PSD3: variants seen among roughly 807,000 people sequenced by gnomAD.
PSD3 encodes PH and SEC7 domain-containing protein 3.
Under a neutral mutation model 105.5 loss-of-function variants are expected in PSD3, and 49 were observed. The ratio of observed to expected loss-of-function variants is 0.46; its 90% CI spans 0.37 to 0.59. PSD3 has a LOEUF of 0.59. Among genes scored for constraint, PSD3 ranks in the 20% least tolerant of loss-of-function variants. The pLI is 0.00. For missense variants in PSD3, 1,561 were observed against 1,263.8 expected (o/e 1.24, Z -3.57); for synonymous variants, 557 against 457.8 (o/e 1.22, Z -2.77).
chr8:18,690,391 G>T (rs888066912), intron 9 of PSD3, among the ~76,000 whole-genome samples: 3 of 152,170 alleles, frequency 2.0e-5, no homozygotes, highest in Non-Finnish European at 4.4e-5. Context: ...AAACACACAA[G>T]GTATCATGAG....
intron 1 of PSD3, among the ~76,000 whole-genome samples, chr8:19,033,240 A>T (rs1312277445): frequency 1.3e-5 from 2 of 151,974 alleles, no homozygotes; most frequent in Admixed American, 1.3e-4. Context: ...CACAACCAAC[A>T]TTTTTTTTAT....
Position 18,804,502 on chromosome 8 carries a change from G to A in PSD3, c.1910+20C>T, listed in dbSNP as rs370905109. 1.3e-6 allele frequency: 2 copies of A among 1,560,744 alleles called. No homozygotes were observed. Among genetic ancestry groups the A allele is most frequent in the African/African-American group, 1.4e-5 (1 of 73,494 alleles). ...AATCATTTGAAAGCAATGACGAGCA[G>A]CAAGGAGGCTTAGTCATACCTGAGT... On this transcript the variant is annotated intron_variant, in intron 6 of 15. Transcript: ENST00000327040.
At chr8:18,879,212 G>A (rs1817950370) in intron 2 of PSD3, among the ~76,000 whole-genome samples, 1 of 152,114 alleles carries the variant, frequency 6.6e-6, no homozygotes, top group South Asian at 2.1e-4. Flanking sequence ...TCAGAAAGGG[G>A]CAGCAAATTC....
chr8:18,902,022 A>G (rs1277883314), intron 2 of PSD3, among the ~76,000 whole-genome samples: 1 of 150,592 alleles, frequency 6.6e-6, no homozygotes, highest in Non-Finnish European at 1.5e-5. Flanking sequence ...AAGAAAAAAG[A>G]AAAAAAAAGA....
intron 2 of PSD3, among the ~76,000 whole-genome samples, chr8:18,903,778 T>C (rs1213524682): frequency 6.6e-6 from 1 of 152,074 alleles, no homozygotes. Context: ...GCTTAGGTAC[T>C]AGGATATAGG....
Position 18,572,132 on chromosome 8 carries a change from T to C in PSD3, c.2784+396A>G, listed in dbSNP as rs1009675366. Among the ~76,000 whole-genome samples the C allele has an allele frequency of 9.2e-5, 14 of 152,314 alleles. 1 individual carries two copies. The South Asian group carries it at 1.7e-3, about 18-fold the overall frequency. ...GAACCGTGGATTCCTGAAAATATTT[T>C]TGTATTTCTAGCACTAAACACATCC... is the stretch of plus-strand genomic sequence containing the variant. On this transcript the variant is annotated intron_variant, in intron 14 of 15. Coordinates refer to ENST00000327040, the MANE Select transcript of PSD3 (RefSeq NM_015310.4).
chr8:18,998,858 A>C (rs1293913545), intron 1 of PSD3, among the ~76,000 whole-genome samples: 10 of 151,840 alleles, frequency 6.6e-5, no homozygotes, highest in Admixed American at 1.3e-4. Context: ...GGTGTAACCC[A>C]TTTTCAGTGA....
chr8:18,874,359 G>T (rs1453103013), intron 2 of PSD3, among the ~76,000 whole-genome samples: 2 of 151,634 alleles, frequency 1.3e-5, no homozygotes, highest in Non-Finnish European at 2.9e-5. Context: ...TAGAGACGGG[G>T]TTTCATCATG....
At chr8:18,785,457 G>C (rs909860159) in intron 8 of PSD3, among the ~76,000 whole-genome samples, 3 of 152,094 alleles carry the variant, frequency 2.0e-5, no homozygotes, top group Admixed American at 2.0e-4. Context: ...TAGAATTGAA[G>C]AGACTCAGGG....
chr8:18,598,981 G>T (rs954951901), intron 12 of PSD3, among the ~76,000 whole-genome samples: 1 of 151,682 alleles, frequency 6.6e-6, no homozygotes, highest in Non-Finnish European at 1.5e-5. Flanking sequence ...TGCCCACAGC[G>T]ACCTACATAT....
intron 11 of PSD3, among the ~76,000 whole-genome samples, chr8:18,613,988 C>T (rs1805467368): frequency 1.3e-5 from 2 of 152,208 alleles, no homozygotes; most frequent in Admixed American, 6.5e-5. Context: ...GAAAAACCCT[C>T]ACTTGGTTTG....
chr8:18,694,612 A>G (rs60156508), intron 9 of PSD3, among the ~76,000 whole-genome samples: 1 of 1,138 alleles, frequency 8.8e-4, no homozygotes, highest in Admixed American at 1.8e-3. Flanking sequence ...TGCATCTCCG[A>G]AAAAAAAAAA....
intron 4 of PSD3, among the ~76,000 whole-genome samples, chr8:18,810,070 C>A (rs372270851): frequency 6.6e-6 from 1 of 152,274 alleles, no homozygotes; most frequent in South Asian, 2.1e-4. Context: ...CCTACTTGAA[C>A]CACACAAATA....
rs186435182 is a variant in PSD3 at position 18,533,818 on chromosome 8, C to G, written c.*1925G>C. On this transcript the variant is annotated 3_prime_UTR_variant, in exon 16 of 16. Transcript: ENST00000327040. ...TCAGTGAGAGGCTACAAAAATCAATCTGATACATGGGCCATATTGGTAACT... is the reference window on the plus strand; with the variant it reads ...TCAGTGAGAGGCTACAAAAATCAATGTGATACATGGGCCATATTGGTAACT... 7.9e-5 allele frequency: 12 copies of G among 152,294 alleles called. No homozygotes were observed. Among genetic ancestry groups the G allele is most frequent in the Admixed American group, 7.2e-4 (11 of 15,294 alleles). 9.4% of individuals were successfully genotyped at this position (152,294 alleles called of 1,614,324 possible).
intron 11 of PSD3, among the ~76,000 whole-genome samples, chr8:18,608,423 C>T (rs1263055678): frequency 1.3e-5 from 2 of 152,094 alleles, no homozygotes; most frequent in East Asian, 1.9e-4. Flanking sequence ...CTGCTGTGAT[C>T]GTTATTCTGA....
At chr8:18,796,435 C>G (rs1810183760) in intron 8 of PSD3, among the ~76,000 whole-genome samples, 2 of 152,104 alleles carry the variant, frequency 1.3e-5, no homozygotes, top group Admixed American at 6.6e-5. Context: ...GGAGGAGGCA[C>G]ACGCATGCTA....
chr8:18,821,718 C>CACACACACACACACA (rs1554513426), intron 4 of PSD3, among the ~76,000 whole-genome samples: 5 of 64,478 alleles, frequency 7.8e-5, no homozygotes, highest in East Asian at 4.7e-4. Flanking sequence ...CACACACACA[C>CACACACACACACACA]CCCAATAACA....
chr8:18,756,533 C>T lies in PSD3; in HGVS notation c.2172+8916G>A, dbSNP rs979147726. 1.6e-4 allele frequency among the ~76,000 whole-genome samples: 23 copies of T among 140,570 alleles called. No individual in the cohort carries two copies. The East Asian group carries it at 4.6e-3, about 28-fold the overall frequency. The allele number at this position is 140,570 out of a possible 152,430, so 92.2% of individuals were successfully genotyped here. A position where few individuals can be genotyped will look rare whatever the true frequency, so the allele number is the denominator to read the frequency against. On this transcript the variant is annotated intron_variant, in intron 9 of 15. Transcript: ENST00000327040. ...TAAGAGAGTTAACACTTTAGAAATGCGATTTGGATTCAAAATGACGTTAAG... is the reference window on the plus strand; with the variant it reads ...TAAGAGAGTTAACACTTTAGAAATGTGATTTGGATTCAAAATGACGTTAAG...
chr8:18,541,736 C>T (rs1800160698), intron 15 of PSD3, among the ~76,000 whole-genome samples: 1 of 151,748 alleles, frequency 6.6e-6, no homozygotes, highest in African/African-American at 2.4e-5. Context: ...AAAACATAGA[C>T]CCATTTTCTG....
Sources: gnomAD v4.1 joint callset for allele counts (sites outside exome capture counted in the v4.1 genomes callset) on GRCh38, gnomAD v4.1.1 for gene constraint, MANE v1.5 for transcripts, NCBI Gene and HGNC (gene_info 2026-07-23, HGNC 2026-07-21) for gene names.